Variants in DPP6 observed in about 807,000 individuals in gnomAD.
The protein encoded by DPP6 is dipeptidyl peptidase like 6.
DPP6 carries 69 observed loss-of-function variants against 122.6 expected under a neutral mutation model. That is an observed-to-expected ratio of 0.56 (90% CI 0.46 to 0.69). The LOEUF is 0.69. Ranked by LOEUF, DPP6 falls within the 30% of genes least tolerant of loss-of-function variation. The probability of loss-of-function intolerance (pLI) is 0.00; values close to 1 mark genes in which losing one functional copy is unlikely to be tolerated. For synonymous variants in DPP6, 418 were observed against 433.1 expected (o/e 0.97, Z 0.43); for missense variants, 928 against 1,116.9 (o/e 0.83, Z 2.41).
intron 1 of DPP6, among the ~76,000 whole-genome samples, chr7:154,289,729 G>A (rs556637860): frequency 1.3e-5 from 2 of 152,230 alleles, no homozygotes. Flanking sequence ...ACTTCAGAGA[G>A]CATAACTTAA....
At chr7:154,043,206 C>T (rs554914561) in intron 1 of DPP6, among the ~76,000 whole-genome samples, 2 of 151,948 alleles carry the variant, frequency 1.3e-5, no homozygotes, top group Admixed American at 6.6e-5. Flanking sequence ...TGACCAACAT[C>T]GTGAAACCCC....
the DPP6 span, among the ~76,000 whole-genome samples, chr7:153,782,385 G>A: frequency 6.6e-6 from 1 of 152,096 alleles, no homozygotes; most frequent in Non-Finnish European, 1.5e-5. Flanking sequence ...CATGAAGGAA[G>A]CGAACCGTGG....
intron 4 of DPP6, among the ~76,000 whole-genome samples, chr7:154,550,667 AC>A (rs1829558775): frequency 6.6e-6 from 1 of 152,196 alleles, no homozygotes; most frequent in South Asian, 2.1e-4. Context: ...AACATATAAT[AC>A]ATCTAAGTAA....
intron 3 of DPP6, among the ~76,000 whole-genome samples, chr7:154,478,966 G>C (rs2151359848): frequency 6.6e-6 from 1 of 152,108 alleles, no homozygotes; most frequent in Non-Finnish European, 1.5e-5. Flanking sequence ...TTGTTTGTTT[G>C]TTTGTTTTTT....
chr7:154,496,366 T>A (rs79912042), intron 3 of DPP6, among the ~76,000 whole-genome samples: 3,510 of 152,334 alleles, frequency 0.023, 138 homozygotes, highest in African/African-American at 0.079. Context: ...TTCACTTAAT[T>A]TAATTAACTT....
In DPP6 at chr7:154,193,959, G is replaced by A. The variant is rs563007004; in HGVS notation, c.243+140896G>A. On this transcript the variant is annotated intron_variant, in intron 1 of 25. Transcript: ENST00000377770. ...ATTGAAGTGCAATTGGTGTAATATAGGCAAAATAGCAACTCTTTTCCTAAA... is the reference window on the plus strand; with the variant it reads ...ATTGAAGTGCAATTGGTGTAATATAAGCAAAATAGCAACTCTTTTCCTAAA... Among the ~76,000 whole-genome samples, 3 of 152,024 alleles carry A rather than the reference G, an allele frequency of 2.0e-5. No homozygotes were observed. In the South Asian group the frequency reaches 6.3e-4, roughly 32 times the overall value.
rs1464034886 is a variant in DPP6 at position 154,228,655 on chromosome 7, AAAAAT to A, written c.243+175593_243+175597del. Among the ~76,000 whole-genome samples, 10 of 152,240 alleles carry A rather than the reference AAAAAT, an allele frequency of 6.6e-5. No individual in the cohort carries two copies. The East Asian group carries it at 1.7e-3, about 26-fold the overall frequency. ...CAGAAGGAGAATCTGAATTAGCATT[AAAAAT>A]GATTTTTTAATAATATATATAAGGG... On this transcript the variant is annotated intron_variant, in intron 1 of 25. Transcript: ENST00000377770.
At chr7:153,897,254 C>G (rs182230620) in intron 1 of DPP6, among the ~76,000 whole-genome samples, 186 of 152,232 alleles carry the variant, frequency 1.2e-3, no homozygotes, top group African/African-American at 4.3e-3. Flanking sequence ...TCTTTGCACA[C>G]CACAATGTAT....
chr7:154,406,370 T>G (rs1816088731), intron 1 of DPP6, among the ~76,000 whole-genome samples: 1 of 152,168 alleles, frequency 6.6e-6, no homozygotes, highest in Non-Finnish European at 1.5e-5. Context: ...CACTGAGAAC[T>G]GGCTGTGAAA....
chr7:154,330,134 C>T (rs965186969), intron 1 of DPP6, among the ~76,000 whole-genome samples: 1 of 152,220 alleles, frequency 6.6e-6, no homozygotes, highest in South Asian at 2.1e-4. Context: ...ACCACCATGG[C>T]ACATGTATAC....
chr7:154,684,045 T>A (rs1369443127), intron 7 of DPP6, among the ~76,000 whole-genome samples: 1 of 152,124 alleles, frequency 6.6e-6, no homozygotes, highest in African/African-American at 2.4e-5. Flanking sequence ...GTTCTTGTAT[T>A]TTTTGTAGAG....
chr7:154,473,379 C>T (rs1822459303), intron 2 of DPP6, among the ~76,000 whole-genome samples: 1 of 152,154 alleles, frequency 6.6e-6, no homozygotes, highest in Admixed American at 6.5e-5. Context: ...CGGGATAGCT[C>T]CATATACAGT....
At chr7:154,092,203 A>G (rs1038514214) in intron 1 of DPP6, 2 of 152,186 alleles carry the variant, frequency 1.3e-5, no homozygotes, top group Admixed American at 6.5e-5. Context: ...AATTGTTTAC[A>G]TTTTGCTCCA....
chr7:154,862,900 A>G (rs1250877682), intron 17 of DPP6, among the ~76,000 whole-genome samples: 1 of 152,208 alleles, frequency 6.6e-6, no homozygotes, highest in Non-Finnish European at 1.5e-5. Flanking sequence ...ACAACTCAAC[A>G]TTCGGAGTTC....
At chr7:153,755,570 G>A in the DPP6 span, among the ~76,000 whole-genome samples, 3 of 151,664 alleles carry the variant, frequency 2.0e-5, no homozygotes, top group African/African-American at 7.3e-5. Context: ...AATACCTCCT[G>A]TCTCCTTTTC....
intron 6 of DPP6, among the ~76,000 whole-genome samples, chr7:154,655,276 A>G (rs1284713859): frequency 6.6e-6 from 1 of 152,210 alleles, no homozygotes; most frequent in Non-Finnish European, 1.5e-5. Context: ...AGGAAGATAA[A>G]TGAGTAAACT....
intron 1 of DPP6, among the ~76,000 whole-genome samples, chr7:154,365,310 A>G (rs1481926941): frequency 2.6e-5 from 4 of 152,258 alleles, no homozygotes; most frequent in African/African-American, 9.6e-5. Flanking sequence ...TTATAGCACT[A>G]GAACCAATTT....
At chr7:154,488,651 C>T (rs1824006577) in intron 3 of DPP6, among the ~76,000 whole-genome samples, 1 of 151,890 alleles carries the variant, frequency 6.6e-6, no homozygotes, top group Non-Finnish European at 1.5e-5. Context: ...ATGCTAAGTT[C>T]TTAATCACTT....
intron 1 of DPP6, among the ~76,000 whole-genome samples, chr7:154,082,724 A>G (rs1804109742): frequency 2.0e-5 from 3 of 152,064 alleles, no homozygotes; most frequent in East Asian, 1.9e-4. Flanking sequence ...CAAGTTTGCT[A>G]ATGCTGGTCC....
Sources: allele counts gnomAD v4.1 joint callset (sites outside exome capture counted in the v4.1 genomes callset), GRCh38; gene constraint gnomAD v4.1.1; transcripts MANE v1.5; gene names NCBI Gene and HGNC (gene_info 2026-07-23, HGNC 2026-07-21).